The following CDH23 variants were observed in gnomAD, a reference collection of about 807,000 sequenced individuals.
The protein encoded by CDH23 is cadherin-23.
In CDH23, 189 loss-of-function variants were observed where a neutral mutation model predicts 317.1. The observed-to-expected ratio is 0.60, with a 90% confidence interval of 0.53 to 0.67. CDH23 has a LOEUF of 0.67. CDH23 is among the 30% of genes least tolerant of loss of function. The pLI is 0.00. For missense variants in CDH23, 4,401 were observed against 4,592.4 expected, an observed-to-expected ratio of 0.96 and a Z score of 1.20; for synonymous variants, 1,839 against 1,876.8, an observed-to-expected ratio of 0.98 and a Z score of 0.52.
intron 3 of CDH23, among the ~76,000 whole-genome samples, chr10:71,461,661 C>T (rs958269725): frequency 1.1e-4 from 17 of 152,356 alleles, no homozygotes; most frequent in Admixed American, 8.5e-4. Context: ...GCGGCCACCG[C>T]GACTTGGGCT....
intron 17 of CDH23, among the ~76,000 whole-genome samples, chr10:71,679,999 G>A (rs566865251): frequency 1.1e-4 from 16 of 152,300 alleles, no homozygotes; most frequent in African/African-American, 3.6e-4. Context: ...AGCAGCTAAG[G>A]CCCAGAGACA....
chr10:71,811,165 GT>G lies in CDH23; in HGVS notation c.9078-149del, dbSNP rs1413041493. 5.6e-6 allele frequency: 6 copies of G among 1,070,930 alleles called. No individual in the cohort carries two copies. The Admixed American group carries it at 1.3e-4, about 23-fold the overall frequency. The allele number at this position is 1,070,930 out of a possible 1,614,324, so 66.3% of individuals were successfully genotyped here. A position where few individuals can be genotyped will look rare whatever the true frequency, so the allele number is the denominator to read the frequency against. On this transcript the variant is annotated intron_variant, in intron 62 of 69. Transcript: ENST00000224721. ...CCTACATGAAGGTTCGAGGAACCTT[GT>G]AAAACACAAAGCTGTCCCAGCCGGT...
At chr10:71,459,453 G>A (rs778658920) in intron 3 of CDH23, among the ~76,000 whole-genome samples, 5 of 152,132 alleles carry the variant, frequency 3.3e-5, no homozygotes, top group Non-Finnish European at 7.4e-5. Context: ...TATTATTTGC[G>A]GTGGTGCTGT....
intron 1 of CDH23, among the ~76,000 whole-genome samples, chr10:71,403,403 C>CTTTCTTTTTTTT (rs1847915899): frequency 1.2e-5 from 1 of 80,002 alleles, no homozygotes; most frequent in Non-Finnish European, 2.2e-5. Flanking sequence ...TTCTTTCTTT[C>CTTTCTTTTTTTT]TTTCTCTTCC....
At chr10:71,705,440 C>T (rs1294238200) in intron 25 of CDH23, among the ~76,000 whole-genome samples, 1 of 152,154 alleles carries the variant, frequency 6.6e-6, no homozygotes, top group Non-Finnish European at 1.5e-5. Flanking sequence ...TGAGCAGGGC[C>T]CGGGACCCTC....
At chr10:71,755,458 C>A (rs1466265172) in intron 38 of CDH23, 3 of 1,611,114 alleles carry the variant, frequency 1.9e-6, no homozygotes, top group Admixed American at 3.4e-5. Context: ...AGGGCTGCAG[C>A]CGTGATGTCT....
At chr10:71,485,327 G>T (rs1021124744) in intron 3 of CDH23, among the ~76,000 whole-genome samples, 3 of 152,156 alleles carry the variant, frequency 2.0e-5, no homozygotes, top group Non-Finnish European at 2.9e-5. Flanking sequence ...GCCTGGCTGG[G>T]TGTGTGTTTT....
intron 3 of CDH23, among the ~76,000 whole-genome samples, chr10:71,474,924 T>C (rs1054074338): frequency 2.6e-5 from 4 of 152,214 alleles, no homozygotes; most frequent in African/African-American, 9.6e-5. Context: ...ATCTGTAAAA[T>C]GGGGCCATTG....
chr10:71,793,310 G>A lies in CDH23; in HGVS notation c.6382G>A (p.Gly2128Ser). 6.2e-7 allele frequency: 1 copy of A among 1,613,956 alleles called. No individual in the cohort carries two copies. The highest frequency in any genetic ancestry group is 8.5e-7 in the Non-Finnish European group (1 of 1,179,888). The stretch of plus-strand genomic sequence containing the variant: ...TCTGGTCACCGGGGTCATCCGTGTT[G>A]GTAATGCCACCATCGACAGAGAGGA... ...IHLVTGVIRV[G>S]NATIDREEQE... is the part of the protein sequence containing the mutation. The change falls in exon 48 of 70, where the codon GGT becomes AGT. Residue 2128 changes from glycine to serine, a missense_variant. Around this residue, in one of 3 missense-constraint regions of CDH23, gnomAD observed 3,068 missense variants for 3,203.3 expected, o/e 0.96. Transcript: ENST00000224721.
chr10:71,601,724 T>C (rs1034135257), intron 9 of CDH23, among the ~76,000 whole-genome samples: 4 of 152,164 alleles, frequency 2.6e-5, no homozygotes, highest in African/African-American at 7.2e-5. Flanking sequence ...ATTTTGGCTG[T>C]TTTCTATACT....
At chr10:71,744,011 C>CA (rs1839796737) in intron 38 of CDH23, among the ~76,000 whole-genome samples, 1 of 152,198 alleles carries the variant, frequency 6.6e-6, no homozygotes, top group Admixed American at 6.5e-5. Flanking sequence ...ATCAGGAAAG[C>CA]AACAGGTTTC....
chr10:71,639,033 G>A (rs1368069956), intron 11 of CDH23, among the ~76,000 whole-genome samples: 1 of 152,180 alleles, frequency 6.6e-6, no homozygotes, highest in Non-Finnish European at 1.5e-5. Flanking sequence ...AGCCAGGAGG[G>A]ATTTCATGTG....
intron 3 of CDH23, chr10:71,508,461 T>C (rs1398467798): frequency 5.9e-5 from 9 of 152,164 alleles, no homozygotes; most frequent in Admixed American, 5.9e-4. Context: ...ATCCGTTAAA[T>C]GGGGGGAATT....
chr10:71,808,692 G>T (rs1217515751), intron 60 of CDH23, among the ~76,000 whole-genome samples: 1 of 151,908 alleles, frequency 6.6e-6, no homozygotes, highest in East Asian at 1.9e-4. Flanking sequence ...CTCCTCCTCT[G>T]TATGCCTCGT....
intron 3 of CDH23, among the ~76,000 whole-genome samples, chr10:71,506,843 G>A (rs1171647535): frequency 6.6e-6 from 1 of 152,204 alleles, no homozygotes; most frequent in Non-Finnish European, 1.5e-5. Flanking sequence ...GCATGAGCAG[G>A]CAAGAGCCCA....
At chr10:71,441,222 G>A (rs1244723281) in intron 2 of CDH23, among the ~76,000 whole-genome samples, 4 of 152,198 alleles carry the variant, frequency 2.6e-5, no homozygotes, top group East Asian at 3.9e-4. Context: ...GGGGGCTTCT[G>A]TCAGGATATC....
At chr10:71,790,184 C>T (rs1564794773) in intron 45 of CDH23, 104 bp from the exon 46 acceptor site, 2 of 1,472,456 alleles carry the variant, frequency 1.4e-6, no homozygotes, top group Admixed American at 2.0e-5. Context: ...CACCTCCCTC[C>T]CCTCTCATCC....
At chr10:71,786,828 C>G (rs531913906) in intron 44 of CDH23, among the ~76,000 whole-genome samples, 2 of 152,156 alleles carry the variant, frequency 1.3e-5, no homozygotes, top group African/African-American at 4.8e-5. Context: ...CCCACTTTTT[C>G]TCTTTTCTGC....
At chr10:71,755,493 T>A in intron 38 of CDH23, 2 of 1,584,522 alleles carry the variant, frequency 1.3e-6, no homozygotes, top group Non-Finnish European at 1.7e-6. Flanking sequence ...GTAGCCAAGG[T>A]GAAGCCCCAT....
Sources: gnomAD v4.1 joint callset for allele counts (sites outside exome capture counted in the v4.1 genomes callset) on GRCh38, gnomAD v4.1.1 for gene constraint, gnomAD v4.1.1 regional missense constraint, MANE v1.5 for transcripts, NCBI Gene and HGNC (gene_info 2026-07-23, HGNC 2026-07-21) for gene names.